ALPK1: variants seen among roughly 807,000 people sequenced by gnomAD.
ALPK1 encodes the protein alpha kinase 1, also known as alpha-protein kinase 1.
In ALPK1, 110 loss-of-function variants were observed where a neutral mutation model predicts 120.6. The ratio of observed to expected loss-of-function variants is 0.91; its 90% CI spans 0.78 to 1.07. The LOEUF is 1.07. Ranked by LOEUF, ALPK1 falls within the 50% of genes least tolerant of loss-of-function variation. The probability of loss-of-function intolerance (pLI) is 0.00; values close to 1 mark genes in which losing one functional copy is unlikely to be tolerated. For missense variants in ALPK1, 1,498 were observed against 1,483.9 expected (o/e 1.01, Z -0.16); for synonymous variants, 582 against 560.3 (o/e 1.04, Z -0.55).
At chr4:112,401,440 G>T (rs1732910581) in intron 4 of ALPK1, among the ~76,000 whole-genome samples, 1 of 152,196 alleles carries the variant, frequency 6.6e-6, no homozygotes, top group Admixed American at 6.5e-5. Context: ...CTTAAATTGA[G>T]ATTCTTAAAT....
chr4:112,358,967 C>A, intron 2 of ALPK1: 1 of 768,826 alleles, frequency 1.3e-6, no homozygotes, highest in Non-Finnish European at 2.4e-6. Flanking sequence ...AGCCCCACCA[C>A]AAGCAGCAGT....
chr4:112,308,126 C>T (rs1728203570), intron 1 of ALPK1, among the ~76,000 whole-genome samples: 1 of 152,150 alleles, frequency 6.6e-6, no homozygotes, highest in Non-Finnish European at 1.5e-5. Flanking sequence ...AGCTGTTAGT[C>T]TGATGGGCTT....
At position 112,377,745 on chromosome 4, in the gene ALPK1, A is replaced by C. The variant is rs1239158531; in HGVS notation, c.-33A>C. The C allele has an allele frequency of 4.4e-6, 7 of 1,590,926 alleles. No homozygotes were observed. The highest frequency in any genetic ancestry group is 6.0e-6 in the Non-Finnish European group (7 of 1,164,112). ...CTTCTCCTAGGTAATTGATCACCCT[A>C]GACCCAGGGACACCCAATTCATCGT... On this transcript the variant is annotated 5_prime_UTR_variant, in exon 3 of 16. Coordinates refer to ENST00000650871, the MANE Select transcript of ALPK1 (RefSeq NM_025144.4).
chr4:112,400,369 G>GA (rs1231419532), intron 4 of ALPK1, among the ~76,000 whole-genome samples: 4 of 152,158 alleles, frequency 2.6e-5, no homozygotes, highest in Non-Finnish European at 5.9e-5. Flanking sequence ...TTAGGTAAAA[G>GA]AATAAGGACC....
At chr4:112,355,271 C>T (rs1362192606) in intron 2 of ALPK1, among the ~76,000 whole-genome samples, 1 of 152,096 alleles carries the variant, frequency 6.6e-6, no homozygotes, top group Non-Finnish European at 1.5e-5. Context: ...GGTTGTTGAA[C>T]GATTTGTAAA....
chr4:112,438,060 T>A (rs1444114827), intron 12 of ALPK1, among the ~76,000 whole-genome samples: 1 of 152,176 alleles, frequency 6.6e-6, no homozygotes, highest in East Asian at 1.9e-4. Flanking sequence ...ATAATAAGTA[T>A]TTATAGGAAT....
intron 2 of ALPK1, among the ~76,000 whole-genome samples, chr4:112,337,430 C>G (rs78721190): frequency 0.013 from 1,968 of 152,232 alleles, 45 homozygotes; most frequent in African/African-American, 0.044. Context: ...TGCAGTGACT[C>G]AAACTTGTAA....
chr4:112,428,690 C>G (rs753285590), intron 9 of ALPK1, among the ~76,000 whole-genome samples: 5 of 152,186 alleles, frequency 3.3e-5, no homozygotes, highest in Non-Finnish European at 5.9e-5. Context: ...GTCCCTCCCC[C>G]ACAACAGAAA....
intron 13 of ALPK1, 93 bp downstream of exon 13, chr4:112,438,739 AT>A: frequency 1.4e-6 from 2 of 1,408,174 alleles, no homozygotes; most frequent in African/African-American, 1.4e-5. Flanking sequence ...TCAGGCTAGC[AT>A]TTTTAGCAAA....
Position 112,432,378 on chromosome 4 carries a change from G to T in ALPK1, c.2831G>T (p.Gly944Val). ...SPAFSSGSSE[G>V]DSPWSYLNSS... Reference sequence around the variant, plus strand: ...GCATTTTCCAGTGGTTCTTCTGAGGGGGACAGCCCTTGGTCCTATCTGAAT... The same window carrying T: ...GCATTTTCCAGTGGTTCTTCTGAGGTGGACAGCCCTTGGTCCTATCTGAAT... The change falls in exon 11 of 16, where the codon GGG becomes GTG. Residue 944 changes from glycine to valine, a missense_variant. Physicochemically the swap from Gly to Val is moderately radical, Grantham distance 109. Transcript: ENST00000650871. 6.2e-7 allele frequency: 1 copy of T among 1,614,168 alleles called. No homozygotes were observed. Among genetic ancestry groups the T allele is most frequent in the Non-Finnish European group, 8.5e-7 (1 of 1,180,034 alleles).
At chr4:112,356,382 C>T (rs562279588) in intron 2 of ALPK1, 1 of 831,216 alleles carries the variant, frequency 1.2e-6, no homozygotes, top group Non-Finnish European at 2.1e-6. Flanking sequence ...TCAGATCAGG[C>T]CTTTGTCATC....
At chr4:112,329,443 C>T (rs1578469999) in intron 2 of ALPK1, among the ~76,000 whole-genome samples, 1 of 152,142 alleles carries the variant, frequency 6.6e-6, no homozygotes, top group South Asian at 2.1e-4. Flanking sequence ...ATTACCCCTG[C>T]CCAGACCCAC....
chr4:112,327,276 A>T lies in ALPK1; in HGVS notation c.-101+11424A>T, dbSNP rs146841854. On this transcript the variant is annotated intron_variant, in intron 2 of 15. Coordinates refer to ENST00000650871, the MANE Select transcript of ALPK1 (RefSeq NM_025144.4). ...ACTGCATCACCTCTTGTAGCCTCAG[A>T]TTTCTCATCCACAAAATGAGAATAA... Among the ~76,000 whole-genome samples the T allele has an allele frequency of 7.2e-5, 11 of 152,336 alleles. No homozygotes were observed. In the East Asian group the frequency reaches 1.9e-3, roughly 27 times the overall value.
chr4:112,405,384 C>A (rs938187811), intron 4 of ALPK1, among the ~76,000 whole-genome samples: 1 of 152,158 alleles, frequency 6.6e-6, no homozygotes, highest in Non-Finnish European at 1.5e-5. Flanking sequence ...AGCCACCTCC[C>A]GGGAAGTCTT....
rs116055673 is a variant in ALPK1 at position 112,413,094 on chromosome 4, T to A, written c.475+1069T>A. Among the ~76,000 whole-genome samples the A allele has an allele frequency of 8.3e-3, 1,272 of 152,352 alleles. 18 individuals carry two copies. The highest frequency in any genetic ancestry group is 0.029 in the African/African-American group (1,199 of 41,576). ...GACAGAGCTGAACTTAGGAAAAATT[T>A]CTTCTTTAAAATGTTCCTGATGTAA... is the stretch of plus-strand genomic sequence containing the variant. On this transcript the variant is annotated intron_variant, in intron 5 of 15. Coordinates refer to ENST00000650871, the MANE Select transcript of ALPK1 (RefSeq NM_025144.4).
intron 4 of ALPK1, among the ~76,000 whole-genome samples, chr4:112,396,537 T>G (rs936235890): frequency 9.9e-5 from 15 of 152,188 alleles, no homozygotes; most frequent in African/African-American, 3.6e-4. Context: ...GTAAGGCGCT[T>G]ATGTCAATTC....
chr4:112,413,693 A>G (rs1413701317), intron 5 of ALPK1, among the ~76,000 whole-genome samples: 1 of 152,226 alleles, frequency 6.6e-6, no homozygotes, highest in African/African-American at 2.4e-5. Context: ...TGCTGGGATT[A>G]CAGGTGCAAG....
rs1733099320 is a variant in ALPK1, at chr4:112,404,934, C to A, written c.277-6893C>A. On this transcript the variant is annotated intron_variant, in intron 4 of 15. Transcript: ENST00000650871. ...GCAGTACCTTTCTGAATACTCCACC[C>A]CATGCCCTGTAAATGACAAGACTCT... Among the ~76,000 whole-genome samples the A allele has an allele frequency of 2.0e-5, 3 of 152,314 alleles. No homozygotes were observed. In the South Asian group the frequency reaches 6.2e-4, roughly 32 times the overall value.
intron 2 of ALPK1, among the ~76,000 whole-genome samples, chr4:112,340,137 T>A (rs1240890441): frequency 6.6e-6 from 1 of 152,198 alleles, no homozygotes; most frequent in Admixed American, 6.5e-5. Flanking sequence ...GTCTTCAAAG[T>A]GATGCAGCGA....
Sources: gnomAD v4.1 joint callset for allele counts (sites outside exome capture counted in the v4.1 genomes callset) on GRCh38, gnomAD v4.1.1 for gene constraint, MANE v1.5 for transcripts, NCBI Gene and HGNC (gene_info 2026-07-23, HGNC 2026-07-21) for gene names.